Variants in CRPPA observed in about 807,000 individuals in gnomAD.
The protein encoded by CRPPA is CDP-L-ribitol pyrophosphorylase A, also known as D-ribitol-5-phosphate cytidylyltransferase.
In CRPPA, 43 loss-of-function variants were observed where a neutral mutation model predicts 52.0. The ratio of observed to expected loss-of-function variants is 0.83; its 90% CI spans 0.65 to 1.07. The LOEUF is 1.07. Ranked by LOEUF, CRPPA falls within the 50% of genes least tolerant of loss-of-function variation. The pLI is 0.00. For synonymous variants in CRPPA, 250 were observed against 203.5 expected (o/e 1.23, Z -1.94); for missense variants, 629 against 551.7 (o/e 1.14, Z -1.40).
intron 9 of CRPPA, among the ~76,000 whole-genome samples, chr7:16,103,771 C>A (rs1032215916): frequency 3.9e-5 from 6 of 152,070 alleles, no homozygotes; most frequent in African/African-American, 1.2e-4. Context: ...GATACAATTT[C>A]CAGAACATAT....
intron 8 of CRPPA, among the ~76,000 whole-genome samples, chr7:16,221,759 C>G (rs1398896063): frequency 6.6e-6 from 1 of 151,798 alleles, no homozygotes; most frequent in African/African-American, 2.4e-5. Context: ...CCATCTCACA[C>G]CAGTTAGAAT....
At chr7:16,098,170 A>G (rs534058151) in intron 9 of CRPPA, among the ~76,000 whole-genome samples, 1 of 152,338 alleles carries the variant, frequency 6.6e-6, no homozygotes, top group South Asian at 2.1e-4. Context: ...CATCTCAAAG[A>G]ATAGCAGGAA....
intron 8 of CRPPA, among the ~76,000 whole-genome samples, chr7:16,246,474 T>C (rs1216705365): frequency 1.3e-5 from 2 of 152,126 alleles, no homozygotes; most frequent in Non-Finnish European, 2.9e-5. Context: ...ACAGGGTGAA[T>C]CCTTTCCAGA....
intron 9 of CRPPA, among the ~76,000 whole-genome samples, chr7:16,194,701 C>A (rs1039396675): frequency 6.6e-6 from 1 of 151,986 alleles, no homozygotes; most frequent in Non-Finnish European, 1.5e-5. Flanking sequence ...AAATTATACT[C>A]TCAATTAAGG....
intron 9 of CRPPA, among the ~76,000 whole-genome samples, chr7:16,107,562 A>G (rs897360238): frequency 6.6e-6 from 1 of 152,212 alleles, no homozygotes; most frequent in African/African-American, 2.4e-5. Context: ...GAAGTTTCTC[A>G]TAAAATAAAA....
chr7:16,386,067 A>G (rs1787261273), intron 2 of CRPPA, among the ~76,000 whole-genome samples: 1 of 152,162 alleles, frequency 6.6e-6, no homozygotes. Context: ...GTGTCCAGGA[A>G]GAATCATATC....
At chr7:16,206,629 A>C (rs1781979524) in intron 9 of CRPPA, among the ~76,000 whole-genome samples, 1 of 152,082 alleles carries the variant, frequency 6.6e-6, no homozygotes, top group Non-Finnish European at 1.5e-5. Context: ...TAGCTGAAAA[A>C]AGTGGCAAAT....
intron 3 of CRPPA, among the ~76,000 whole-genome samples, chr7:16,324,104 T>C (rs1785322779): frequency 1.3e-5 from 2 of 152,178 alleles, no homozygotes; most frequent in Non-Finnish European, 2.9e-5. Context: ...TATTTGTCTT[T>C]AAATCAGTTG....
chr7:16,313,960 G>C (rs1354828415), intron 3 of CRPPA, among the ~76,000 whole-genome samples: 1 of 151,920 alleles, frequency 6.6e-6, no homozygotes. Flanking sequence ...ATGAGCATGA[G>C]AATAATGTGT....
intron 3 of CRPPA, among the ~76,000 whole-genome samples, chr7:16,353,720 C>T (rs1383162011): frequency 4.0e-5 from 6 of 151,796 alleles, no homozygotes; most frequent in South Asian, 2.1e-4. Flanking sequence ...CGTGGTGACA[C>T]GTGCCTGTAA....
In CRPPA at chr7:16,091,760, T is replaced by C; in HGVS notation, c.1291A>G (p.Ile431Val). 1 of 1,561,822 alleles carries C rather than the reference T, an allele frequency of 6.4e-7. No homozygotes were observed. Among genetic ancestry groups the C allele is most frequent in the Non-Finnish European group, 8.7e-7 (1 of 1,151,614 alleles). Reference protein sequence around the residue: ...KLQESLRQGAIIIASLIKERN... With the variant: ...KLQESLRQGAVIIASLIKERN... ...TCCTTGATTAATGAAGCAATAATGA[T>C]AGCACCTTGCCTTAAACTCTCCTGT... The change falls in exon 10 of 10, where the codon ATC (isoleucine) becomes GTC (valine). Residue 431 changes from isoleucine (I) to valine (V), a missense_variant. Transcript: ENST00000407010.
At chr7:16,171,207 G>A (rs1376429721) in intron 9 of CRPPA, among the ~76,000 whole-genome samples, 1 of 152,192 alleles carries the variant, frequency 6.6e-6, no homozygotes, top group African/African-American at 2.4e-5. Flanking sequence ...AGAAGCACCT[G>A]TATAGCAAAC....
At chr7:16,398,723 G>A (rs546009223) in intron 2 of CRPPA, among the ~76,000 whole-genome samples, 2 of 152,186 alleles carry the variant, frequency 1.3e-5, no homozygotes, top group Admixed American at 6.5e-5. Context: ...TGGGTGACAC[G>A]TGACCAACAC....
chr7:16,239,548 G>C (rs1485942537), intron 8 of CRPPA, among the ~76,000 whole-genome samples: 2 of 42,260 alleles, frequency 4.7e-5, no homozygotes, highest in African/African-American at 1.7e-4. Context: ...TATTTAAATA[G>C]AAGTCAATAG....
At chr7:16,329,330 G>A (rs1785494783) in intron 3 of CRPPA, among the ~76,000 whole-genome samples, 1 of 152,052 alleles carries the variant, frequency 6.6e-6, no homozygotes, top group African/African-American at 2.4e-5. Context: ...TGAAGAAACA[G>A]CACATTCAAA....
intron 8 of CRPPA, among the ~76,000 whole-genome samples, chr7:16,219,249 A>T (rs1782430257): frequency 6.6e-6 from 1 of 151,146 alleles, no homozygotes; most frequent in South Asian, 2.1e-4. Flanking sequence ...ATCAATGAGA[A>T]CAAAGACACA....
chr7:16,113,213 T>G (rs1227341891), intron 9 of CRPPA, among the ~76,000 whole-genome samples: 2 of 151,674 alleles, frequency 1.3e-5, no homozygotes, highest in African/African-American at 4.8e-5. Context: ...TCAAAAGCAA[T>G]AGATTAGATT....
chr7:16,258,422 G>C lies in CRPPA; in HGVS notation c.1087C>G (p.Leu363Val). 1.9e-6 allele frequency: 3 copies of C among 1,607,044 alleles called. 1 individual carries two copies. The South Asian group carries it at 3.3e-5, about 18-fold the overall frequency. The change falls in exon 8 of 10, where the codon CTT becomes GTT. Residue 363 changes from leucine (L) to valine (V), a missense_variant. Physicochemically the swap from Leu to Val is conservative, Grantham distance 32. Transcript: ENST00000407010. Reference sequence around the variant, plus strand: ...ACAACAACAGGATATAAAATGCAAAGACTACTCTCTTCAAGCATGCTCAGT... The same window carrying C: ...ACAACAACAGGATATAAAATGCAAACACTACTCTCTTCAAGCATGCTCAGT... Reference protein sequence around the residue: ...KLLSMLEESSLCILYPVVVVS... With the variant: ...KLLSMLEESSVCILYPVVVVS...
intron 9 of CRPPA, among the ~76,000 whole-genome samples, chr7:16,093,404 A>G (rs957442611): frequency 2.0e-5 from 3 of 152,126 alleles, no homozygotes; most frequent in African/African-American, 7.2e-5. Context: ...TTGAAGCCTC[A>G]CCACAACCAT....
Sources: allele counts gnomAD v4.1 joint callset (sites outside exome capture counted in the v4.1 genomes callset), GRCh38; gene constraint gnomAD v4.1.1; transcripts MANE v1.5; gene names NCBI Gene and HGNC (gene_info 2026-07-23, HGNC 2026-07-21).